VRK3: variants seen among roughly 807,000 people sequenced by gnomAD.
VRK3 encodes the protein VRK serine/threonine kinase 3.
Under a neutral mutation model 60.4 loss-of-function variants are expected in VRK3, and 50 were observed. That is an observed-to-expected ratio of 0.83 (90% CI 0.66 to 1.05). The LOEUF (loss-of-function observed/expected upper bound fraction) is 1.05. Ranked by LOEUF, VRK3 falls within the 50% of genes least tolerant of loss-of-function variation. The pLI is 0.00. For synonymous variants in VRK3, 246 were observed against 227.8 expected (o/e 1.08, Z -0.72); for missense variants, 549 against 585.3 (o/e 0.94, Z 0.64).
intron 2 of VRK3, among the ~76,000 whole-genome samples, chr19:50,018,732 A>T (rs2077115485): frequency 6.6e-6 from 1 of 152,184 alleles, no homozygotes; most frequent in South Asian, 2.1e-4. Flanking sequence ...ACTGGTGAGC[A>T]TTTTTGTGAA....
rs1221039020 is a variant in VRK3 at position 50,009,326 on chromosome 19, T to C, written c.199A>G (p.Ser67Gly). The change falls in exon 4 of 15, where the codon AGC (serine) becomes GGC (glycine). Residue 67 changes from serine (S) to glycine (G), a missense_variant. Coordinates refer to ENST00000316763, the MANE Select transcript of VRK3 (RefSeq NM_016440.4). ...GATAATCGGGGAGAGGTGACGGTGC[T>C]GGACCATTTCACTTTCTTAGGAGAG... Reference protein sequence around the residue: ...ETSPKKVKWSSTVTSPRLSLF... With the variant: ...ETSPKKVKWSGTVTSPRLSLF... The C allele has an allele frequency of 6.2e-7, 1 of 1,614,106 alleles. No homozygotes were observed. The highest frequency in any genetic ancestry group is 8.5e-7 in the Non-Finnish European group (1 of 1,180,016).
intron 6 of VRK3, chr19:50,000,143 T>C (rs939706686): frequency 6.6e-6 from 1 of 152,150 alleles, no homozygotes; most frequent in African/African-American, 2.4e-5. Flanking sequence ...AAAAAGAAAA[T>C]AAGAGTCACC....
intron 6 of VRK3, 76 bp from the exon 7 acceptor site, chr19:49,997,646 T>C (rs548690252): frequency 6.5e-6 from 10 of 1,531,976 alleles, no homozygotes; most frequent in African/African-American, 2.7e-5. Flanking sequence ...CACTGGCAAT[T>C]TGTTACTCCC....
intron 6 of VRK3, chr19:49,999,157 CT>C (rs1248599514): frequency 6.6e-6 from 1 of 152,102 alleles, no homozygotes; most frequent in Non-Finnish European, 1.5e-5. Flanking sequence ...TGACATAATG[CT>C]TGTGACACTC....
At chr19:49,990,022 C>CA (rs35371412) in intron 10 of VRK3, among the ~76,000 whole-genome samples, 7,915 of 151,236 alleles carry the variant, frequency 0.052, 672 homozygotes, top group African/African-American at 0.18. Flanking sequence ...TGCATCATTC[C>CA]AAAATTTTTT....
At chr19:49,995,983 G>A (rs10417608) in intron 7 of VRK3, among the ~76,000 whole-genome samples, 7,949 of 151,914 alleles carry the variant, frequency 0.052, 677 homozygotes, top group African/African-American at 0.18. Context: ...GAGCAGTGGC[G>A]TGATCTCGGC....
chr19:50,015,784 T>A, intron 3 of VRK3: 2 of 529,188 alleles, frequency 3.8e-6, no homozygotes, highest in Non-Finnish European at 6.7e-6. Flanking sequence ...AGCAGGGGAG[T>A]CCAGGCTGGC....
At chr19:50,003,060 T>A (rs930401331) in intron 5 of VRK3, among the ~76,000 whole-genome samples, 1 of 152,078 alleles carries the variant, frequency 6.6e-6, no homozygotes, top group African/African-American at 2.4e-5. Flanking sequence ...AGCATTACCA[T>A]CTCCCCTCTG....
At chr19:49,989,863 T>G in intron 10 of VRK3, 92 bp from the exon 11 acceptor site, 1 of 1,394,684 alleles carries the variant, frequency 7.2e-7, no homozygotes, top group South Asian at 1.6e-5. Flanking sequence ...ACAAACATTC[T>G]ACCAAAGATG....
chr19:49,982,630 C>T (rs894103346), intron 12 of VRK3, among the ~76,000 whole-genome samples: 30 of 152,210 alleles, frequency 2.0e-4, no homozygotes, highest in African/African-American at 7.0e-4. Context: ...TTTCTCCACA[C>T]TGTGTCTGTA....
At chr19:49,990,045 T>C (rs952523753) in intron 10 of VRK3, among the ~76,000 whole-genome samples, 1 of 151,634 alleles carries the variant, frequency 6.6e-6, no homozygotes, top group African/African-American at 2.4e-5. Flanking sequence ...TTTTTTTAAA[T>C]AACCAGGTAA....
At chr19:50,022,584 C>T (rs888110407) in intron 1 of VRK3, among the ~76,000 whole-genome samples, 3 of 151,860 alleles carry the variant, frequency 2.0e-5, no homozygotes, top group Admixed American at 6.6e-5. Flanking sequence ...TTAGGAGTTC[C>T]AGACCAGCCT....
chr19:49,981,160 G>A, intron 12 of VRK3, 147 bp from the exon 13 acceptor site: 2 of 746,050 alleles, frequency 2.7e-6, no homozygotes, highest in Non-Finnish European at 4.6e-6. Flanking sequence ...AAGTCACTGT[G>A]AACACTGAAT....
chr19:50,007,486 T>C, intron 5 of VRK3, 83 bp downstream of exon 5: 3 of 1,576,652 alleles, frequency 1.9e-6, no homozygotes, highest in Non-Finnish European at 2.6e-6. Flanking sequence ...GTGGCTTCCA[T>C]TCCCATTCTC....
intron 13 of VRK3, 84 bp downstream of exon 13, chr19:49,980,871 G>A: frequency 7.8e-7 from 1 of 1,274,046 alleles, no homozygotes. Flanking sequence ...ATGAAGAGGT[G>A]TAAGGAGAAG....
chr19:49,979,328 G>A (rs2076384448), intron 13 of VRK3, 86 bp from the exon 14 acceptor site: 2 of 1,593,206 alleles, frequency 1.3e-6, no homozygotes, highest in Non-Finnish European at 8.6e-7. Context: ...AAGGATGGAG[G>A]GGTGGGGGAC....
intron 9 of VRK3, among the ~76,000 whole-genome samples, chr19:49,993,963 C>T (rs976320167): frequency 6.6e-6 from 1 of 152,036 alleles, no homozygotes; most frequent in Admixed American, 6.5e-5. Flanking sequence ...CTCCCCTAAT[C>T]CCAGCACTCT....
In VRK3 at chr19:49,997,487, A is replaced by G. The variant is rs767884887; in HGVS notation, c.679+17T>C. On this transcript the variant is annotated intron_variant, in intron 7 of 14. Transcript: ENST00000316763. Reference sequence around the variant, plus strand: ...CCCCCTCACTCTCCCCTCCTTGCCCAGTTCCCTGTCAGGTACCTTGCAGAG... The same window carrying G: ...CCCCCTCACTCTCCCCTCCTTGCCCGGTTCCCTGTCAGGTACCTTGCAGAG... 6.2e-7 allele frequency: 1 copy of G among 1,613,554 alleles called. No individual in the cohort carries two copies. Among genetic ancestry groups the G allele is most frequent in the South Asian group, 1.1e-5 (1 of 90,986 alleles).
At chr19:49,991,827 A>T (rs1193659494) in intron 10 of VRK3, among the ~76,000 whole-genome samples, 1 of 152,202 alleles carries the variant, frequency 6.6e-6, no homozygotes, top group Non-Finnish European at 1.5e-5. Context: ...GCCGTGCCCG[A>T]GACAGTGCAG....
Sources: gnomAD v4.1 joint callset for allele counts (sites outside exome capture counted in the v4.1 genomes callset) on GRCh38, gnomAD v4.1.1 for gene constraint, MANE v1.5 for transcripts, NCBI Gene and HGNC (gene_info 2026-07-23, HGNC 2026-07-21) for gene names.